SFXN1: variants seen among roughly 807,000 people sequenced by gnomAD.
SFXN1 encodes sideroflexin-1.
A neutral mutation model predicts 39.5 loss-of-function variants in SFXN1; 32 were observed. The observed-to-expected ratio is 0.81, with a 90% CI of 0.61 to 1.09. The LOEUF (loss-of-function observed/expected upper bound fraction) is 1.09. SFXN1 is among the 50% of genes least tolerant of loss of function. The pLI is 0.00. For missense variants in SFXN1, 402 were observed against 407.1 expected (o/e 0.99, Z 0.11); for synonymous variants, 136 against 146.5 (o/e 0.93, Z 0.52).
chr5:175,480,300 C>A (rs1170192080), intron 1 of SFXN1, among the ~76,000 whole-genome samples: 1 of 152,036 alleles, frequency 6.6e-6, no homozygotes, highest in East Asian at 1.9e-4. Context: ...ACTCGGGAGG[C>A]TGAGGCAGGA....
rs1294488345 is a variant in SFXN1 at position 175,529,079 on chromosome 5, G to GT, written c.*2346dup. On this transcript the variant is annotated 3_prime_UTR_variant, in exon 11 of 11. Coordinates refer to ENST00000321442, the MANE Select transcript of SFXN1 (RefSeq NM_022754.7). ...TGGCCGGGTGCGGTGGCTCACCCCT[G>GT]TAATCCCAGCACTTTGGGAGGCCGA... 2 of 152,272 alleles carry GT rather than the reference G, an allele frequency of 1.3e-5. No homozygotes were observed. Among genetic ancestry groups the GT allele is most frequent in the African/African-American group, 4.8e-5 (2 of 41,430 alleles). 9.4% of individuals were successfully genotyped at this position (152,272 alleles called of 1,614,324 possible). A position where few individuals can be genotyped will look rare whatever the true frequency, so the allele number is the denominator to read the frequency against.
At chr5:175,498,206 T>G (rs1759938143) in intron 2 of SFXN1, among the ~76,000 whole-genome samples, 1 of 152,142 alleles carries the variant, frequency 6.6e-6, no homozygotes, top group Non-Finnish European at 1.5e-5. Context: ...CAATAAAAGC[T>G]GACAATGAAT....
chr5:175,503,336 A>T (rs1038709383), intron 2 of SFXN1, among the ~76,000 whole-genome samples: 3 of 152,266 alleles, frequency 2.0e-5, no homozygotes, highest in East Asian at 3.8e-4. Context: ...TTTAAAAAAT[A>T]CAAAAAGAAA....
intron 8 of SFXN1, among the ~76,000 whole-genome samples, chr5:175,517,838 G>T (rs1760759442): frequency 1.3e-5 from 2 of 152,144 alleles, no homozygotes; most frequent in Admixed American, 1.3e-4. Flanking sequence ...TGCCCATGCG[G>T]TGGTGTGCCT....
intron 1 of SFXN1, chr5:175,484,063 T>C (rs1471960305): frequency 6.6e-6 from 1 of 151,048 alleles, no homozygotes; most frequent in Non-Finnish European, 1.5e-5. Flanking sequence ...TTTTGAAGTA[T>C]CTGTGGTTTC....
At chr5:175,480,390 G>A (rs1443715968) in intron 1 of SFXN1, among the ~76,000 whole-genome samples, 4 of 151,350 alleles carry the variant, frequency 2.6e-5, no homozygotes, top group Non-Finnish European at 4.4e-5. Context: ...GACAGAGCAA[G>A]ACTCCGTCTT....
chr5:175,508,782 C>T (rs1378285338), intron 2 of SFXN1, among the ~76,000 whole-genome samples: 1 of 151,976 alleles, frequency 6.6e-6, no homozygotes, highest in Admixed American at 6.6e-5. Flanking sequence ...GGATTACAGG[C>T]GGGTGCCACC....
At chr5:175,491,776 C>T (rs373659905) in intron 1 of SFXN1, 3 of 192,548 alleles carry the variant, frequency 1.6e-5, no homozygotes, top group East Asian at 1.4e-4. Context: ...TGTGAGCTGC[C>T]GCACCCATCC....
rs543337704 is a variant in SFXN1 at position 175,507,954 on chromosome 5, CAG to C, written c.165-1075_165-1074del. The stretch of plus-strand genomic sequence containing the variant: ...TGCCATTGCACTCCAGCCTGGGTGA[CAG>C]AGTGAGACCCTGTCTTTAAAAAAAA... On this transcript the variant is annotated intron_variant, in intron 2 of 10. Transcript: ENST00000321442. Among the ~76,000 whole-genome samples, 1,399 of 140,472 alleles carry C rather than the reference CAG, an allele frequency of 1.0e-2. 10 individuals are homozygous for C. The highest frequency in any genetic ancestry group is 0.024 in the South Asian group (110 of 4,520). The allele number at this position is 140,472 out of a possible 152,430, so 92.2% of individuals were successfully genotyped here.
intron 8 of SFXN1, among the ~76,000 whole-genome samples, chr5:175,520,420 A>C (rs1284394972): frequency 6.6e-6 from 1 of 152,072 alleles, no homozygotes; most frequent in Admixed American, 6.6e-5. Context: ...TTCTGGTTGC[A>C]AGGTAGGGGT....
At chr5:175,490,268 G>A (rs1759608944) in intron 1 of SFXN1, among the ~76,000 whole-genome samples, 2 of 152,132 alleles carry the variant, frequency 1.3e-5, no homozygotes, top group Admixed American at 1.3e-4. Flanking sequence ...GAACTGTTAG[G>A]ACACCGTATA....
intron 10 of SFXN1, among the ~76,000 whole-genome samples, chr5:175,526,233 T>G (rs749098841): frequency 6.6e-6 from 1 of 152,066 alleles, no homozygotes; most frequent in African/African-American, 2.4e-5. Flanking sequence ...ATCAATGTTA[T>G]GCATTTCACT....
At chr5:175,479,840 C>A (rs1759165290) in intron 1 of SFXN1, among the ~76,000 whole-genome samples, 1 of 152,180 alleles carries the variant, frequency 6.6e-6, no homozygotes, top group Non-Finnish European at 1.5e-5. Flanking sequence ...GCGTTGACTT[C>A]TAGATTTTGA....
At chr5:175,496,953 A>G (rs1294275006) in intron 2 of SFXN1, among the ~76,000 whole-genome samples, 1 of 151,634 alleles carries the variant, frequency 6.6e-6, no homozygotes, top group Non-Finnish European at 1.5e-5. Context: ...GTGCAGTGGC[A>G]CACCAGCTCA....
intron 1 of SFXN1, among the ~76,000 whole-genome samples, chr5:175,485,996 A>G (rs1019660321): frequency 1.8e-4 from 28 of 152,192 alleles, no homozygotes; most frequent in Non-Finnish European, 3.5e-4. Flanking sequence ...AATTCCTTGT[A>G]TATAATGGAA....
intron 10 of SFXN1, chr5:175,526,106 G>A (rs1761048412): frequency 6.6e-6 from 1 of 151,390 alleles, no homozygotes; most frequent in African/African-American, 2.5e-5. Context: ...ATCTCTCAGC[G>A]GGATTATAAA....
intron 2 of SFXN1, among the ~76,000 whole-genome samples, chr5:175,495,601 C>T (rs536849317): frequency 6.6e-5 from 10 of 151,806 alleles, no homozygotes; most frequent in South Asian, 4.2e-4. Context: ...TGGTGATGCA[C>T]GCCTATAATC....
rs776214431 is a variant in SFXN1, at chr5:175,521,924, C to T, written c.780C>T (p.Phe260=). ...TLEKKAFLKR[F]PWMSAPIQVG... ...CCATTTATTTCTCAACACAGAGGTT[C>T]CCATGGATGAGTGCACCCATTCAAG... Residue 260 remains phenylalanine, a synonymous_variant, in exon 9 of 11, where the codon TTC becomes TTT. Coordinates refer to ENST00000321442, the MANE Select transcript of SFXN1 (RefSeq NM_022754.7). 1.0e-5 allele frequency: 16 copies of T among 1,597,294 alleles called. 1 individual carries two copies. In the South Asian group the frequency reaches 1.6e-4, roughly 16 times the overall value.
rs1035984944 is a variant in SFXN1 at position 175,527,792 on chromosome 5, A to G, written c.*1058A>G. 1 of 152,232 alleles carries G rather than the reference A, an allele frequency of 6.6e-6. No individual in the cohort carries two copies. The highest frequency in any genetic ancestry group is 1.5e-5 in the Non-Finnish European group (1 of 68,044). The allele number at this position is 152,232 out of a possible 1,614,324, so 9.4% of individuals were successfully genotyped here. ...TGTTTACATCATCTGTAGTGATTTC[A>G]TAGATAATATATTTAATATGACAGA... is the stretch of plus-strand genomic sequence containing the variant. On this transcript the variant is annotated 3_prime_UTR_variant, in exon 11 of 11. Coordinates refer to ENST00000321442, the MANE Select transcript of SFXN1 (RefSeq NM_022754.7).
Sources: gnomAD v4.1 joint callset for allele counts (sites outside exome capture counted in the v4.1 genomes callset) on GRCh38, gnomAD v4.1.1 for gene constraint, MANE v1.5 for transcripts, NCBI Gene and HGNC (gene_info 2026-07-23, HGNC 2026-07-21) for gene names.